DTNA: variants seen among roughly 807,000 people sequenced by gnomAD.
The protein encoded by DTNA is dystrophin-related protein 3.
In DTNA, 43 loss-of-function variants were observed where a neutral mutation model predicts 100.7. The observed-to-expected ratio is 0.43, with a 90% CI of 0.33 to 0.55. The LOEUF (loss-of-function observed/expected upper bound fraction) is 0.55, where lower values mean the gene tolerates loss of function less well. Among genes scored for constraint, DTNA ranks in the 20% least tolerant of loss-of-function variants. The probability of loss-of-function intolerance (pLI) is 0.04; values close to 1 mark genes in which losing one functional copy is unlikely to be tolerated. For synonymous variants in DTNA, 349 were observed against 347.9 expected (o/e 1.00, Z -0.04); for missense variants, 798 against 953.9 (o/e 0.84, Z 2.15).
chr18:34,706,112 CTAATTTTG>C (rs762950922), upstream of DTNA, among the ~76,000 whole-genome samples: 9 of 152,232 alleles, frequency 5.9e-5, no homozygotes, highest in South Asian at 1.0e-3. Context: ...CCATGCCCAG[CTAATTTTG>C]TATTTTTAGC....
chr18:34,629,571 C>G (rs551684327), intron 1 of DTNA, among the ~76,000 whole-genome samples: 4 of 152,252 alleles, frequency 2.6e-5, no homozygotes, highest in African/African-American at 9.6e-5. Context: ...ATCAGAAAAA[C>G]CAGTGAATTC....
At chr18:34,823,417 A>G (rs993117192) in intron 9 of DTNA, among the ~76,000 whole-genome samples, 3 of 152,216 alleles carry the variant, frequency 2.0e-5, no homozygotes, top group Non-Finnish European at 1.5e-5. Context: ...ACAGTGCTGT[A>G]CAATGGAAAT....
chr18:34,500,029 G>A (rs958414591), intron 1 of DTNA, among the ~76,000 whole-genome samples: 1 of 151,924 alleles, frequency 6.6e-6, no homozygotes, highest in Non-Finnish European at 1.5e-5. Context: ...AATTGTTTTA[G>A]CTATTCTAAT....
chr18:34,552,762 T>C (rs531739560), intron 1 of DTNA, among the ~76,000 whole-genome samples: 3 of 151,310 alleles, frequency 2.0e-5, no homozygotes, highest in Admixed American at 2.0e-4. Context: ...CACATTTCCT[T>C]AATCCAGTCT....
chr18:34,747,543 C>T (rs2091799433), intron 1 of DTNA, among the ~76,000 whole-genome samples: 1 of 152,084 alleles, frequency 6.6e-6, no homozygotes, highest in African/African-American at 2.4e-5. Context: ...CGTTCTTATG[C>T]CTTTGCATCC....
intron 1 of DTNA, among the ~76,000 whole-genome samples, chr18:34,689,838 C>G (rs1271969002): frequency 6.6e-6 from 1 of 152,132 alleles, no homozygotes; most frequent in Non-Finnish European, 1.5e-5. Flanking sequence ...TCAGAGATGC[C>G]CTGCCCAGAG....
rs9959365 is a variant in DTNA, at chr18:34,875,316, G to C, written c.1821G>C (p.Ala607=). 3.4e-5 allele frequency: 55 copies of C among 1,614,166 alleles called. No homozygotes were observed. The highest frequency in any genetic ancestry group is 5.0e-5 in the Admixed American group (3 of 60,030). The part of the protein sequence containing the change: ...SRPIPMPIRS[A]SACSTPTHTP... ...CAATTCCCATGCCCATCCGGTCAGCGTCAGCCTGCTCCACCCCGACGCACA... is the reference window on the plus strand; with the variant it reads ...CAATTCCCATGCCCATCCGGTCAGCCTCAGCCTGCTCCACCCCGACGCACA... The change falls in exon 18 of 23, where the codon GCG becomes GCC. Residue 607 remains alanine, a synonymous_variant. Transcript: ENST00000444659.
chr18:34,543,536 A>T (rs1351341880), intron 1 of DTNA, among the ~76,000 whole-genome samples: 3 of 152,078 alleles, frequency 2.0e-5, no homozygotes, highest in Non-Finnish European at 4.4e-5. Flanking sequence ...TACAATTCTC[A>T]TGGATGTTAA....
intron 1 of DTNA, among the ~76,000 whole-genome samples, chr18:34,635,500 G>A: frequency 6.6e-6 from 1 of 152,094 alleles, no homozygotes; most frequent in Admixed American, 6.5e-5. Flanking sequence ...AAGGTGAGTT[G>A]CAGTGTAGAA....
intron 1 of DTNA, among the ~76,000 whole-genome samples, chr18:34,698,759 T>C (rs2080958129): frequency 6.6e-6 from 1 of 152,136 alleles, no homozygotes; most frequent in African/African-American, 2.4e-5. Flanking sequence ...GCCAGAAGAC[T>C]AAAACAGTCT....
intron 1 of DTNA, among the ~76,000 whole-genome samples, chr18:34,566,042 G>GA (rs2047053652): frequency 6.6e-6 from 1 of 152,144 alleles, no homozygotes; most frequent in Non-Finnish European, 1.5e-5. Context: ...TACACTCAAT[G>GA]AAAATGGCCA....
At chr18:34,635,626 A>G (rs992443575) in intron 1 of DTNA, among the ~76,000 whole-genome samples, 5 of 152,194 alleles carry the variant, frequency 3.3e-5, no homozygotes, top group Admixed American at 1.3e-4. Context: ...TGCATTGATC[A>G]TTTGGAGGAT....
At chr18:34,838,057 T>C in intron 11 of DTNA, 37 bp from the exon 12 acceptor site, 4 of 1,603,300 alleles carry the variant, frequency 2.5e-6, no homozygotes, top group Non-Finnish European at 3.4e-6. Flanking sequence ...CATTGCCGTG[T>C]TTACGCTCTT....
At chr18:34,872,736 C>A (rs2096777660) in intron 17 of DTNA, among the ~76,000 whole-genome samples, 1 of 152,210 alleles carries the variant, frequency 6.6e-6, no homozygotes, top group African/African-American at 2.4e-5. Flanking sequence ...TAGCAGGAAG[C>A]CCTAGGACGC....
chr18:34,497,096 T>C (rs1254988110), intron 1 of DTNA, among the ~76,000 whole-genome samples: 3 of 152,222 alleles, frequency 2.0e-5, no homozygotes, highest in African/African-American at 7.2e-5. Context: ...TGTAATATAG[T>C]CATTTTCTTT....
In DTNA at chr18:34,537,974, G is replaced by C. The variant is rs2043879931; in HGVS notation, c.-2+44460G>C. On this transcript the variant is annotated intron_variant, in intron 1 of 19. Transcript: ENST00000283365. ...AAAATGATAGATAGGGAAAGGCAAC[G>C]TGAAGCAACATGAAAGTACAATATA... 3.3e-5 allele frequency among the ~76,000 whole-genome samples: 5 copies of C among 151,936 alleles called. No homozygotes were observed. The South Asian group carries it at 1.0e-3, about 31-fold the overall frequency.
chr18:34,682,807 T>A (rs1384853584), intron 1 of DTNA, among the ~76,000 whole-genome samples: 6 of 152,074 alleles, frequency 3.9e-5, no homozygotes, highest in Non-Finnish European at 8.8e-5. Context: ...TCTTCGCTTG[T>A]CATTCTCTTC....
chr18:34,593,120 C>T (rs1022768154), intron 1 of DTNA, among the ~76,000 whole-genome samples: 4 of 152,038 alleles, frequency 2.6e-5, no homozygotes, highest in African/African-American at 7.2e-5. Flanking sequence ...CAAGTGTTTC[C>T]GTAATATCCG....
At chr18:34,848,832 T>G (rs1801586810) in intron 14 of DTNA, among the ~76,000 whole-genome samples, 1 of 152,228 alleles carries the variant, frequency 6.6e-6, no homozygotes. Flanking sequence ...CAAAAGCAAC[T>G]GTCAGCTCAA....
Sources: allele counts gnomAD v4.1 joint callset (sites outside exome capture counted in the v4.1 genomes callset), GRCh38; gene constraint gnomAD v4.1.1; transcripts MANE v1.5; gene names NCBI Gene and HGNC (gene_info 2026-07-23, HGNC 2026-07-21).